EDRF1: variants seen among roughly 807,000 people sequenced by gnomAD.
The protein encoded by EDRF1 is erythroid differentiation-related factor 1.
A neutral mutation model predicts 148.7 loss-of-function variants in EDRF1; 69 were observed. That is an observed-to-expected ratio of 0.46 (90% CI 0.38 to 0.57). EDRF1 has a LOEUF of 0.57. EDRF1 is among the 20% of genes least tolerant of loss of function. EDRF1 has a pLI of 0.00. For synonymous variants in EDRF1, 515 were observed against 532.8 expected, an observed-to-expected ratio of 0.97 and a Z score of 0.46; for missense variants, 1,118 against 1,478.7, an observed-to-expected ratio of 0.76 and a Z score of 4.00.
chr10:125,733,850 A>G (rs1217875371), intron 11 of EDRF1, 107 bp downstream of exon 11: 1 of 1,094,272 alleles, frequency 9.1e-7, no homozygotes, highest in African/African-American at 1.6e-5. Flanking sequence ...TTAGGTTTTC[A>G]TAGTAGGGGG....
chr10:125,722,711 C>T (rs1054300892), intron 2 of EDRF1, among the ~76,000 whole-genome samples: 9 of 152,006 alleles, frequency 5.9e-5, no homozygotes, highest in African/African-American at 2.2e-4. Context: ...CTTATCTCTC[C>T]ACCTAAAAAG....
chr10:125,747,814 C>T, intron 20 of EDRF1, 49 bp from the exon 21 acceptor site: 1 of 1,612,396 alleles, frequency 6.2e-7, no homozygotes, highest in Middle Eastern at 1.7e-4. Context: ...AAAACTCCTA[C>T]AGTCAGATTA....
At chr10:125,724,447 A>G (rs1848156662) in intron 4 of EDRF1, among the ~76,000 whole-genome samples, 1 of 152,212 alleles carries the variant, frequency 6.6e-6, no homozygotes, top group South Asian at 2.1e-4. Context: ...ATACACAAAT[A>G]CTTCAGTCAC....
In EDRF1 at chr10:125,747,711, G is replaced by A; in HGVS notation, c.2973+17G>A. Reference sequence around the variant, plus strand: ...CAGGAGCAGGTGATAATATTTGCTGGAGTATAAAATAAGTTCTCAATCTAA... The same window carrying A: ...CAGGAGCAGGTGATAATATTTGCTGAAGTATAAAATAAGTTCTCAATCTAA... On this transcript the variant is annotated intron_variant, in intron 20 of 24. Coordinates refer to ENST00000356792, the MANE Select transcript of EDRF1 (RefSeq NM_001202438.2). The A allele has an allele frequency of 1.9e-6, 3 of 1,613,976 alleles. No homozygotes were observed. Among genetic ancestry groups the A allele is most frequent in the Admixed American group, 1.7e-5 (1 of 60,008 alleles).
chr10:125,728,816 T>G (rs12412420), intron 6 of EDRF1, among the ~76,000 whole-genome samples, 187 bp from the exon 7 acceptor site: 5 of 152,238 alleles, frequency 3.3e-5, no homozygotes, highest in Admixed American at 2.0e-4. Context: ...TCGCTTCTTA[T>G]AGTAGCTATG....
At chr10:125,762,772 G>A (rs748325693) in intron 24 of EDRF1, among the ~76,000 whole-genome samples, 40 of 152,138 alleles carry the variant, frequency 2.6e-4, no homozygotes, top group Admixed American at 5.2e-4. Flanking sequence ...CTCTAGAGAC[G>A]GCAGTACAAC....
chr10:125,761,526 A>G lies in EDRF1; in HGVS notation c.3546-1775A>G, dbSNP rs1404974634. Among the ~76,000 whole-genome samples the G allele has an allele frequency of 2.0e-5, 3 of 152,244 alleles. No homozygotes were observed. In the East Asian group the frequency reaches 5.8e-4, roughly 29 times the overall value. On this transcript the variant is annotated intron_variant, in intron 24 of 24. Transcript: ENST00000356792. Reference sequence around the variant, plus strand: ...TCCTTTGGATTCATGGGTTGTTCCCATTAGATGTGTACATTTAATATTTTG... The same window carrying G: ...TCCTTTGGATTCATGGGTTGTTCCCGTTAGATGTGTACATTTAATATTTTG...
intron 24 of EDRF1, among the ~76,000 whole-genome samples, chr10:125,754,594 C>T (rs553388608): frequency 2.0e-5 from 3 of 152,288 alleles, no homozygotes; most frequent in South Asian, 2.1e-4. Flanking sequence ...CGCACACCTC[C>T]GCAGAAATGT....
At chr10:125,731,961 G>A (rs973319211) in intron 9 of EDRF1, 10 of 422,290 alleles carry the variant, frequency 2.4e-5, no homozygotes, top group South Asian at 1.5e-4. Flanking sequence ...AGTGAGTGGC[G>A]GTGCCAGTCT....
chr10:125,720,420 C>T (rs1001552327), intron 1 of EDRF1, among the ~76,000 whole-genome samples: 1 of 152,198 alleles, frequency 6.6e-6, no homozygotes, highest in East Asian at 1.9e-4. Context: ...TGCATGCATG[C>T]ATGAACCGAT....
intron 19 of EDRF1, chr10:125,746,635 G>T (rs1392614882): frequency 1.3e-5 from 2 of 152,584 alleles, no homozygotes; most frequent in Non-Finnish European, 2.9e-5. Context: ...AGGCTGAAGT[G>T]CAGTGGCACA....
At position 125,743,177 on chromosome 10, in the gene EDRF1, G is replaced by T; in HGVS notation, c.2491G>T (p.Glu831Ter). The T allele has an allele frequency of 6.2e-7, 1 of 1,613,878 alleles. No individual in the cohort carries two copies. The highest frequency in any genetic ancestry group is 1.1e-5 in the South Asian group (1 of 91,066). The change falls in exon 18 of 25, where the codon GAA (glutamate) becomes TAA (stop). Residue 831 changes from glutamate to a stop codon, truncating the protein, a stop_gained. Transcript: ENST00000356792. LOFTEE classifies it high-confidence loss of function. ...TAGTGACTTGAAAAGCCAAAATCCAGAACACTATGTACAAGTATTAAAGAG... is the reference window on the plus strand; with the variant it reads ...TAGTGACTTGAAAAGCCAAAATCCATAACACTATGTACAAGTATTAAAGAG... ...QFSDLKSQNP[E>*]HYVQVLKRMG...
intron 24 of EDRF1, chr10:125,761,118 A>G (rs1850170927): frequency 3.7e-6 from 1 of 269,166 alleles, no homozygotes; most frequent in Admixed American, 5.4e-5. Context: ...CTCTGGCAAA[A>G]AAATAAACAA....
intron 21 of EDRF1, chr10:125,748,311 A>C (rs746558839): frequency 2.2e-6 from 1 of 444,718 alleles, no homozygotes; most frequent in Non-Finnish European, 4.2e-6. Flanking sequence ...GTAGCTGTTC[A>C]TTTTCTCAGC....
At chr10:125,742,134 G>A (rs1214594624) in intron 17 of EDRF1, 1 of 955,854 alleles carries the variant, frequency 1.0e-6, no homozygotes, top group African/African-American at 1.7e-5. Context: ...TGATTCCTTG[G>A]GGCTGAAATA....
intron 2 of EDRF1, among the ~76,000 whole-genome samples, 195 bp downstream of exon 2, chr10:125,721,607 A>G (rs77282321): frequency 0.013 from 1,961 of 152,354 alleles, 44 homozygotes; most frequent in African/African-American, 0.044. Flanking sequence ...TACAATATCA[A>G]TTGCATATGC....
At position 125,740,481 on chromosome 10, in the gene EDRF1, G is replaced by A. The variant is rs201017930; in HGVS notation, c.2000G>A (p.Gly667Asp). 47 of 1,613,966 alleles carry A rather than the reference G, an allele frequency of 2.9e-5. No individual in the cohort carries two copies. The highest frequency in any genetic ancestry group is 1.6e-4 in the Middle Eastern group (1 of 6,062). The change falls in exon 16 of 25, where the codon GGC (glycine) becomes GAC (aspartate). Residue 667 changes from glycine (G) to aspartate (D), a missense_variant. Coordinates refer to ENST00000356792, the MANE Select transcript of EDRF1 (RefSeq NM_001202438.2). ...FLDKMGSLQKGNYSSQSGMIP... is the reference protein window; with the variant it reads ...FLDKMGSLQKDNYSSQSGMIP... ...GTCACAGTGGGCTCCCTTCAGAAGG[G>A]CAATTATTCCAGTCAATCTGGAATG...
chr10:125,757,325 A>G (rs1457070165), intron 24 of EDRF1, among the ~76,000 whole-genome samples: 1 of 152,224 alleles, frequency 6.6e-6, no homozygotes, highest in Non-Finnish European at 1.5e-5. Context: ...GCCACCTTCA[A>G]GTAATATGAT....
In EDRF1 at chr10:125,735,745, A is replaced by G; in HGVS notation, c.1599A>G (p.Glu533=). The G allele has an allele frequency of 6.2e-7, 1 of 1,613,818 alleles. No individual in the cohort carries two copies. The highest frequency in any genetic ancestry group is 1.1e-5 in the South Asian group (1 of 91,068). Residue 533 remains glutamate (E), a synonymous_variant, in exon 13 of 25, where the codon GAA becomes GAG. Transcript: ENST00000356792. ...CTCCTTTAAATGAGAATTCTGATGA[A>G]AGTTATAGTGAAGAGGAGGAAGAGA... ...SESPLNENSD[E]SYSEEEEEMP...
Sources: allele counts gnomAD v4.1 joint callset (sites outside exome capture counted in the v4.1 genomes callset), GRCh38; gene constraint gnomAD v4.1.1; transcripts MANE v1.5; gene names NCBI Gene and HGNC (gene_info 2026-07-23, HGNC 2026-07-21).